The following CDH18 variants were observed in gnomAD, a reference collection of about 807,000 sequenced individuals.
The protein encoded by CDH18 is cadherin 18, also known as cadherin-18.
CDH18 carries 31 observed loss-of-function variants against 67.9 expected under a neutral mutation model. That is an observed-to-expected ratio of 0.46 (90% CI 0.34 to 0.62). CDH18 has a LOEUF of 0.62. Among genes scored for constraint, CDH18 ranks in the 20% least tolerant of loss-of-function variants. The pLI, the probability that CDH18 is intolerant of heterozygous loss-of-function variation, is 0.01. For missense variants in CDH18, 890 were observed against 975.5 expected, an observed-to-expected ratio of 0.91 and a Z score of 1.17; for synonymous variants, 362 against 347.2, an observed-to-expected ratio of 1.04 and a Z score of -0.48.
intron 2 of CDH18, among the ~76,000 whole-genome samples, chr5:20,055,714 G>C (rs998842814): frequency 6.6e-6 from 1 of 152,150 alleles, no homozygotes; most frequent in Middle Eastern, 3.2e-3. Context: ...AGTAAACTTA[G>C]AGAACTATGT....
intron 2 of CDH18, among the ~76,000 whole-genome samples, chr5:20,149,087 T>C (rs1186519712): frequency 6.6e-6 from 1 of 152,194 alleles, no homozygotes; most frequent in African/African-American, 2.4e-5. Flanking sequence ...GTATATGACC[T>C]CTTCTTCTCA....
chr5:20,369,767 G>T (rs1163701107), intron 1 of CDH18, among the ~76,000 whole-genome samples: 13 of 152,192 alleles, frequency 8.5e-5, no homozygotes, highest in Admixed American at 8.5e-4. Flanking sequence ...GGTCATCACT[G>T]ATTTGAAAAT....
intron 2 of CDH18, among the ~76,000 whole-genome samples, chr5:20,118,977 T>G (rs936687487): frequency 8.5e-5 from 13 of 152,164 alleles, no homozygotes; most frequent in Non-Finnish European, 1.2e-4. Context: ...TGAAGAGGGA[T>G]TTAAAATAGT....
chr5:20,301,092 CT>C (rs983686408), intron 1 of CDH18, among the ~76,000 whole-genome samples: 4 of 152,044 alleles, frequency 2.6e-5, no homozygotes, highest in Non-Finnish European at 5.9e-5. Flanking sequence ...TCTATTGTGT[CT>C]TTTTTTCAAT....
At chr5:20,483,647 A>C (rs901258354) in intron 1 of CDH18, among the ~76,000 whole-genome samples, 3 of 145,030 alleles carry the variant, frequency 2.1e-5, no homozygotes, top group African/African-American at 8.4e-5. Context: ...TTTTCAAGAA[A>C]GTTGCCAAAA....
At chr5:20,379,375 C>A (rs1044897128) in intron 1 of CDH18, among the ~76,000 whole-genome samples, 2 of 152,152 alleles carry the variant, frequency 1.3e-5, no homozygotes, top group African/African-American at 4.8e-5. Context: ...TTAACAGTGA[C>A]AAATGCCAAC....
chr5:19,967,928 A>G (rs933264455), intron 2 of CDH18, among the ~76,000 whole-genome samples: 1 of 152,056 alleles, frequency 6.6e-6, no homozygotes, highest in Admixed American at 6.6e-5. Context: ...ACATGATTGT[A>G]TATCTAGAAA....
chr5:19,728,030 G>T (rs1382613170), intron 4 of CDH18, among the ~76,000 whole-genome samples: 1 of 151,942 alleles, frequency 6.6e-6, no homozygotes, highest in African/African-American at 2.4e-5. Context: ...TTTATGCATA[G>T]TAGAAAAGAA....
At chr5:20,350,189 G>A (rs1741050624) in intron 1 of CDH18, among the ~76,000 whole-genome samples, 1 of 151,868 alleles carries the variant, frequency 6.6e-6, no homozygotes, top group South Asian at 2.1e-4. Flanking sequence ...TTTGTTTTTA[G>A]TGGAAACATA....
chr5:20,392,863 T>C (rs1012422882), intron 1 of CDH18, among the ~76,000 whole-genome samples: 3 of 151,936 alleles, frequency 2.0e-5, no homozygotes, highest in African/African-American at 7.2e-5. Context: ...GTTACACTGA[T>C]CTCACATTCC....
intron 3 of CDH18, among the ~76,000 whole-genome samples, chr5:19,792,299 C>T (rs1310577693): frequency 6.6e-6 from 1 of 152,152 alleles, no homozygotes; most frequent in Non-Finnish European, 1.5e-5. Context: ...TCTTCTCCTG[C>T]CCTCCGACCT....
intron 5 of CDH18, among the ~76,000 whole-genome samples, chr5:19,713,367 A>G (rs1435912326): frequency 1.3e-5 from 2 of 152,098 alleles, no homozygotes; most frequent in Non-Finnish European, 2.9e-5. Flanking sequence ...AGTACATTCA[A>G]TTGGTTTCCT....
intron 1 of CDH18, among the ~76,000 whole-genome samples, chr5:20,556,017 C>T (rs555991464): frequency 4.3e-4 from 65 of 152,252 alleles, no homozygotes; most frequent in Admixed American, 3.3e-3. Context: ...TAGAGAGTCA[C>T]CATATCTCTT....
At chr5:20,281,290 T>C (rs1049355495) in intron 1 of CDH18, among the ~76,000 whole-genome samples, 1 of 152,222 alleles carries the variant, frequency 6.6e-6, no homozygotes, top group Non-Finnish European at 1.5e-5. Flanking sequence ...CCCATGCCTA[T>C]GTCCTGAATG....
chr5:19,927,369 T>G (rs529290192), intron 2 of CDH18, among the ~76,000 whole-genome samples: 9 of 152,244 alleles, frequency 5.9e-5, no homozygotes, highest in Admixed American at 5.9e-4. Context: ...TAGTTTTGAC[T>G]CTTGCCCTCA....
intron 2 of CDH18, among the ~76,000 whole-genome samples, chr5:19,864,711 C>T (rs1205076836): frequency 6.6e-6 from 1 of 152,070 alleles, no homozygotes; most frequent in Non-Finnish European, 1.5e-5. Context: ...ATCCTCTTGG[C>T]CTAATTTTAT....
chr5:20,034,571 T>A (rs988837895), intron 2 of CDH18, among the ~76,000 whole-genome samples: 2 of 152,012 alleles, frequency 1.3e-5, no homozygotes, highest in African/African-American at 4.8e-5. Flanking sequence ...TTGGCCTCAT[T>A]CAATCCATCG....
At chr5:19,824,067 A>C (rs575399362) in intron 3 of CDH18, among the ~76,000 whole-genome samples, 127 of 152,340 alleles carry the variant, frequency 8.3e-4, no homozygotes, top group African/African-American at 3.0e-3. Context: ...AAAGAATCCC[A>C]AAACTAACAG....
At chr5:19,486,996 T>A (rs139794437) in intron 11 of CDH18, among the ~76,000 whole-genome samples, 108 of 152,276 alleles carry the variant, frequency 7.1e-4, no homozygotes, top group African/African-American at 2.5e-3. Flanking sequence ...ATAGCTTGGA[T>A]GAAGACAGCA....
Sources: allele counts gnomAD v4.1 joint callset (sites outside exome capture counted in the v4.1 genomes callset), GRCh38; gene constraint gnomAD v4.1.1; transcripts MANE v1.5; gene names NCBI Gene and HGNC (gene_info 2026-07-23, HGNC 2026-07-21).